Variants in SBNO2 observed in about 807,000 individuals in gnomAD.
SBNO2 encodes the protein strawberry notch homolog 2, also known as protein strawberry notch homolog 2.
SBNO2 carries 89 observed loss-of-function variants against 146.3 expected under a neutral mutation model. The observed-to-expected ratio is 0.61, with a 90% CI of 0.51 to 0.73. The LOEUF is 0.73. SBNO2 is among the 30% of genes least tolerant of loss of function. The pLI is 0.00. For missense variants in SBNO2, 2,092 were observed against 2,003.7 expected (o/e 1.04, Z -0.84); for synonymous variants, 1,147 against 892.6 (o/e 1.29, Z -5.08).
chr19:1,124,846 G>A (rs1047187463), intron 5 of SBNO2, among the ~76,000 whole-genome samples: 1 of 152,064 alleles, frequency 6.6e-6, no homozygotes, highest in African/African-American at 2.4e-5. Context: ...AGGGGTCTCC[G>A]AACTGACTGG....
At chr19:1,133,496 C>T (rs2080054802) in intron 4 of SBNO2, among the ~76,000 whole-genome samples, 1 of 152,316 alleles carries the variant, frequency 6.6e-6, no homozygotes, top group South Asian at 2.1e-4. Flanking sequence ...TGTGCCAGCC[C>T]CACTGGGGCC....
chr19:1,136,924 T>G lies in SBNO2; in HGVS notation c.280-9159A>C, dbSNP rs141691707. 6.6e-6 allele frequency among the ~76,000 whole-genome samples: 1 copy of G among 151,776 alleles called. No individual in the cohort carries two copies. The highest frequency in any genetic ancestry group is 1.5e-5 in the Non-Finnish European group (1 of 67,930). ...CCTGCAGCCCCATGGGGACCCGGGA[T>G]GGATGCCCGGCAGGTGGAGAGGTCC... On this transcript the variant is annotated intron_variant, in intron 4 of 31. Transcript: ENST00000361757. This position sits in a 1 kb window ranked among gnomAD's most constrained non-coding sequence, Gnocchi z 4.2.
Position 1,109,616 on chromosome 19 carries a change from G to C in SBNO2, c.3124-18C>G, listed in dbSNP as rs201906866. 11 of 1,561,822 alleles carry C rather than the reference G, an allele frequency of 7.0e-6. No homozygotes were observed. Among genetic ancestry groups the C allele is most frequent in the Middle Eastern group, 1.9e-4 (1 of 5,246 alleles). ...ACGCTGATCTGCCACGGCACGGGGT[G>C]GGGGGGTGTGAGTGTGGTGGGGGCG... On this transcript the variant is annotated intron_variant, in intron 27 of 31. Transcript: ENST00000361757. The surrounding 1 kb of genome is among the most constrained non-coding windows in gnomAD (Gnocchi z 4.2).
chr19:1,154,076 G>C, intron 2 of SBNO2, 108 bp downstream of exon 2: 1 of 489,320 alleles, frequency 2.0e-6, no homozygotes, highest in Non-Finnish European at 3.2e-6. Context: ...TGGAGATCAC[G>C]CCGCGTCCAC....
chr19:1,172,355 G>A (rs971274738), intron 1 of SBNO2, among the ~76,000 whole-genome samples: 1 of 152,318 alleles, frequency 6.6e-6, no homozygotes, highest in East Asian at 1.9e-4. Context: ...AAGGTGGCCC[G>A]GAGCAGGCCA....
chr19:1,122,607 G>T (rs779938290), intron 9 of SBNO2, 49 bp from the exon 10 acceptor site: 1 of 207,754 alleles, frequency 4.8e-6, no homozygotes. Flanking sequence ...CTCGCCCCCC[G>T]CTTCCGCCCC....
intron 1 of SBNO2, among the ~76,000 whole-genome samples, chr19:1,169,891 C>G (rs2080461208): frequency 6.6e-6 from 1 of 152,146 alleles, no homozygotes; most frequent in African/African-American, 2.4e-5. Flanking sequence ...ACATTCCGCT[C>G]CCCCAAAACA....
chr19:1,152,888 C>T (rs570422606), intron 2 of SBNO2, among the ~76,000 whole-genome samples: 2 of 152,284 alleles, frequency 1.3e-5, no homozygotes, highest in South Asian at 2.1e-4. Context: ...CGCGGTGGCT[C>T]ACGCCTGTAA....
chr19:1,147,418 G>C lies in SBNO2; in HGVS notation c.170C>G (p.Pro57Arg). The change falls in exon 4 of 32, where the codon CCG becomes CGG. Residue 57 changes from proline (P) to arginine (R), a missense_variant and splice_region_variant. By Grantham distance (103) the Pro-to-Arg change is moderately radical (BLOSUM62 -2). Transcript: ENST00000361757. ...GAGGAAGGAGGCGGAGCTCATGAAC[G>C]GGCTGGAGGGAGATGGGGGGGGGGG... Reference protein sequence around the residue: ...PYPAFSSDSRPFMSSASFLGS... With the variant: ...PYPAFSSDSRRFMSSASFLGS... 1 of 1,470,906 alleles carries C rather than the reference G, an allele frequency of 6.8e-7. No homozygotes were observed. Among genetic ancestry groups the C allele is most frequent in the Middle Eastern group, 2.4e-4 (1 of 4,156 alleles). 91.1% of individuals were successfully genotyped at this position (1,470,906 alleles called of 1,614,324 possible). A position where few individuals can be genotyped will look rare whatever the true frequency, so the allele number is the denominator to read the frequency against.
intron 4 of SBNO2, among the ~76,000 whole-genome samples, chr19:1,139,322 C>T (rs929122110): frequency 6.6e-5 from 10 of 151,796 alleles, no homozygotes; most frequent in African/African-American, 2.4e-4. Flanking sequence ...GATGCGTGGG[C>T]GCCGGGGCAG....
chr19:1,157,377 C>T lies in SBNO2; in HGVS notation c.-126-2975G>A, dbSNP rs2080300944. On this transcript the variant is annotated intron_variant, in intron 1 of 31. Transcript: ENST00000361757. The surrounding 1 kb of genome is among the most constrained non-coding windows in gnomAD (Gnocchi z 6.8). ...CCCACGCGGCCCCGGAGACCCTCTG[C>T]CACGCAGCCCCGGAGACGCTCTCCC... Among the ~76,000 whole-genome samples the T allele has an allele frequency of 6.8e-6, 1 of 146,744 alleles. No homozygotes were observed. The highest frequency in any genetic ancestry group is 2.2e-4 in the South Asian group (1 of 4,508).
At chr19:1,122,609 TTCC>T in intron 9 of SBNO2, 46 bp downstream of exon 9, 1 of 248,888 alleles carries the variant, frequency 4.0e-6, no homozygotes, top group Non-Finnish European at 5.8e-6. Context: ...CGCCCCCCGC[TTCC>T]GCCCCCCACC....
chr19:1,172,227 C>T (rs759777383), intron 1 of SBNO2, among the ~76,000 whole-genome samples: 1 of 152,230 alleles, frequency 6.6e-6, no homozygotes, highest in African/African-American at 2.4e-5. Context: ...AGCCTGCCTG[C>T]GTCTCCTCTG....
chr19:1,145,406 G>C (rs1248424834), intron 4 of SBNO2, among the ~76,000 whole-genome samples: 6 of 151,096 alleles, frequency 4.0e-5, no homozygotes, highest in African/African-American at 1.5e-4. Flanking sequence ...CTGGGAAGCG[G>C]AGGTTGCAGT....
chr19:1,160,516 C>G (rs955419133), intron 1 of SBNO2, among the ~76,000 whole-genome samples: 3 of 152,120 alleles, frequency 2.0e-5, no homozygotes, highest in Admixed American at 2.0e-4. Context: ...ACAGAGGCAG[C>G]TGGCTGGAGC....
In SBNO2 at chr19:1,108,549, C is replaced by G; in HGVS notation, c.3772G>C (p.Asp1258His). The G allele has an allele frequency of 8.0e-7, 1 of 1,243,892 alleles. No homozygotes were observed. Among genetic ancestry groups the G allele is most frequent in the Non-Finnish European group, 1.0e-6 (1 of 994,440 alleles). 77.1% of individuals were successfully genotyped at this position (1,243,892 alleles called of 1,614,324 possible). A position where few individuals can be genotyped will look rare whatever the true frequency, so the allele number is the denominator to read the frequency against. The change falls in exon 32 of 32, where the codon GAC becomes CAC. Residue 1258 changes from aspartate (D) to histidine (H), a missense_variant. By Grantham distance (81) the Asp-to-His change is moderately conservative. Coordinates refer to ENST00000361757, the MANE Select transcript of SBNO2 (RefSeq NM_014963.3). ...TCGGCCGGGGGGCTGTAGGTGAGGT[C>G]CAGCACCTCTCCGGGGCCGCAAGGC... ...ALPCGPGEVL[D>H]LTYSPPAEAF...
In SBNO2 at chr19:1,110,962, A is replaced by C. The variant is rs1315457264; in HGVS notation, c.2884+57T>G. 2 of 1,610,464 alleles carry C rather than the reference A, an allele frequency of 1.2e-6. No homozygotes were observed. The highest frequency in any genetic ancestry group is 1.7e-6 in the Non-Finnish European group (2 of 1,177,864). On this transcript the variant is annotated intron_variant, in intron 25 of 31. Transcript: ENST00000361757. The surrounding 1 kb of genome is among the most constrained non-coding windows in gnomAD (Gnocchi z 4.9). ...CCTGCTTTGCTCACCACCCGAGGCC[A>C]AGGTTGCATGAGATGAGAGACAGGA...
In SBNO2 at chr19:1,111,085, G is replaced by C. The variant is rs573918859; in HGVS notation, c.2818C>G (p.Gln940Glu). The change falls in exon 25 of 32, where the codon CAG (glutamine) becomes GAG (glutamate). Residue 940 changes from glutamine to glutamate, a missense_variant. Gln to Glu is a conservative substitution (Grantham distance 29). Coordinates refer to ENST00000361757, the MANE Select transcript of SBNO2 (RefSeq NM_014963.3). ...CCAATGCCCACAGACAGCAGGCCCT[G>C]CTTCATGTCTGCGGGGAGAGGGGCC... ...GVPTFFRDMK[Q>E]GLLSVGIGGR... is the part of the protein sequence containing the mutation. The C allele has an allele frequency of 6.4e-7, 1 of 1,552,660 alleles. No homozygotes were observed. Among genetic ancestry groups the C allele is most frequent in the East Asian group, 2.4e-5 (1 of 41,382 alleles).
At chr19:1,168,643 A>C (rs1189429971) in intron 1 of SBNO2, 1 of 152,312 alleles carries the variant, frequency 6.6e-6, no homozygotes, top group Non-Finnish European at 1.5e-5. Context: ...TGGGCACCGG[A>C]AGCCAGGCGG....
Sources: allele counts gnomAD v4.1 joint callset (sites outside exome capture counted in the v4.1 genomes callset), GRCh38; gene constraint gnomAD v4.1.1; non-coding constraint Gnocchi (gnomAD v3.1); transcripts MANE v1.5; gene names NCBI Gene and HGNC (gene_info 2026-07-23, HGNC 2026-07-21).